Variants in FMNL2 observed in about 807,000 individuals in gnomAD.
FMNL2 encodes the protein formin like 2.
In FMNL2, 51 loss-of-function variants were observed where a neutral mutation model predicts 130.2. That is an observed-to-expected ratio of 0.39 (90% confidence interval 0.31 to 0.49). The LOEUF is 0.49. FMNL2 is among the 20% of genes least tolerant of loss of function. The pLI, the probability that FMNL2 is intolerant of heterozygous loss-of-function variation, is 0.85. For missense variants in FMNL2, 977 were observed against 1,316.2 expected, an observed-to-expected ratio of 0.74 and a Z score of 3.99; for synonymous variants, 465 against 467.1, an observed-to-expected ratio of 1.00 and a Z score of 0.06.
At chr2:152,409,052 A>G (rs978608810) in intron 1 of FMNL2, among the ~76,000 whole-genome samples, 6 of 152,190 alleles carry the variant, frequency 3.9e-5, no homozygotes, top group Non-Finnish European at 7.3e-5. Context: ...TGGCTTCATA[A>G]ATTTCTTCTC....
chr2:152,369,345 T>G (rs1683743265), intron 1 of FMNL2, among the ~76,000 whole-genome samples: 1 of 152,238 alleles, frequency 6.6e-6, no homozygotes, highest in Admixed American at 6.5e-5. Flanking sequence ...AAAGGTTTCT[T>G]TATCTTAAAT....
chr2:152,640,502 A>G lies in FMNL2; in HGVS notation c.3046-289A>G, dbSNP rs193008653. On this transcript the variant is annotated intron_variant, in intron 24 of 25. Transcript: ENST00000288670. ...GCAGTCCAAAGTTTTCTTCATTGTG[A>G]TCCTTGGCAACACAGTTTAAGACAT... 2.3e-3 allele frequency among the ~76,000 whole-genome samples: 345 copies of G among 152,280 alleles called. 2 individuals are homozygous for G. Among genetic ancestry groups the G allele is most frequent in the African/African-American group, 7.7e-3 (320 of 41,558 alleles).
At chr2:152,535,727 A>G (rs1693962322) in intron 2 of FMNL2, among the ~76,000 whole-genome samples, 1 of 152,192 alleles carries the variant, frequency 6.6e-6, no homozygotes, top group South Asian at 2.1e-4. Flanking sequence ...GATCCCTCTA[A>G]ATAGTAGCCC....
intron 1 of FMNL2, among the ~76,000 whole-genome samples, chr2:152,453,306 TCA>T (rs975059879): frequency 6.6e-6 from 1 of 152,196 alleles, no homozygotes; most frequent in African/African-American, 2.4e-5. Context: ...CCAGTGTGAT[TCA>T]CAGACTCCTT....
In FMNL2 at chr2:152,344,044, T is replaced by C. The variant is rs971872331; in HGVS notation, c.117+8324T>C. On this transcript the variant is annotated intron_variant, in intron 1 of 25. Transcript: ENST00000288670. ...TGCATGCCTGTAGTCACAGCTTACC[T>C]GGGAGGCTGAGGCAGGAGGATTGCT... is the stretch of plus-strand genomic sequence containing the variant. 2.6e-5 allele frequency among the ~76,000 whole-genome samples: 4 copies of C among 152,060 alleles called. No homozygotes were observed. The East Asian group carries it at 5.8e-4, about 22-fold the overall frequency.
At chr2:152,611,052 T>G (rs1282720188) in intron 10 of FMNL2, among the ~76,000 whole-genome samples, 1 of 152,214 alleles carries the variant, frequency 6.6e-6, no homozygotes, top group Non-Finnish European at 1.5e-5. Flanking sequence ...TAAAATATTT[T>G]TAAAGAGGCC....
chr2:152,631,034 A>G (rs1332539950), intron 20 of FMNL2, among the ~76,000 whole-genome samples: 3 of 152,114 alleles, frequency 2.0e-5, no homozygotes. Flanking sequence ...CTAGAGATGC[A>G]TATCTGTTAT....
intron 1 of FMNL2, among the ~76,000 whole-genome samples, chr2:152,520,622 A>C (rs1248234162): frequency 6.6e-6 from 1 of 152,020 alleles, no homozygotes; most frequent in Admixed American, 6.6e-5. Flanking sequence ...TAAATTAAAT[A>C]TTTTAAAGAC....
chr2:152,408,837 A>G (rs1455228574), intron 1 of FMNL2, among the ~76,000 whole-genome samples: 1 of 152,138 alleles, frequency 6.6e-6, no homozygotes, highest in East Asian at 1.9e-4. Context: ...TGGGTACTGG[A>G]ATTATGGTTT....
intron 3 of FMNL2, among the ~76,000 whole-genome samples, chr2:152,547,836 C>T (rs1694728404): frequency 6.6e-6 from 1 of 152,196 alleles, no homozygotes; most frequent in Non-Finnish European, 1.5e-5. Context: ...AAAGGTGGTT[C>T]AGGTTCGTAG....
chr2:152,599,698 T>A (rs1174737219), intron 9 of FMNL2, among the ~76,000 whole-genome samples: 1 of 152,166 alleles, frequency 6.6e-6, no homozygotes, highest in Non-Finnish European at 1.5e-5. Context: ...AGGCTCATAG[T>A]CATCTCCTGG....
intron 1 of FMNL2, among the ~76,000 whole-genome samples, chr2:152,459,665 G>A (rs1238151740): frequency 6.6e-6 from 1 of 152,094 alleles, no homozygotes; most frequent in South Asian, 2.1e-4. Flanking sequence ...TATTATAATA[G>A]GGTTCTACCT....
intron 18 of FMNL2, among the ~76,000 whole-genome samples, chr2:152,629,176 T>A (rs1681999623): frequency 6.6e-6 from 1 of 152,236 alleles, no homozygotes. Context: ...TAGATAAATT[T>A]GTTGGTTTCT....
At chr2:152,381,120 A>T (rs1579526260) in intron 1 of FMNL2, among the ~76,000 whole-genome samples, 2 of 152,340 alleles carry the variant, frequency 1.3e-5, no homozygotes, top group East Asian at 3.9e-4. Context: ...ATGAAAGGAT[A>T]TTGATCACAA....
chr2:152,604,842 C>T (rs987521649), intron 9 of FMNL2, among the ~76,000 whole-genome samples: 1 of 149,384 alleles, frequency 6.7e-6, no homozygotes, highest in African/African-American at 2.4e-5. Context: ...GTTATCTGCC[C>T]ACCTCGTCCT....
intron 9 of FMNL2, among the ~76,000 whole-genome samples, chr2:152,596,031 C>T (rs886402897): frequency 5.3e-5 from 8 of 150,422 alleles, no homozygotes; most frequent in East Asian, 2.0e-4. Flanking sequence ...GGCACCATCT[C>T]GGCTCACTGC....
intron 1 of FMNL2, among the ~76,000 whole-genome samples, chr2:152,489,180 C>T (rs1449686753): frequency 6.6e-6 from 1 of 150,850 alleles, no homozygotes; most frequent in Non-Finnish European, 1.5e-5. Flanking sequence ...AGAAGTGTTC[C>T]CTACAGTGGG....
intron 2 of FMNL2, among the ~76,000 whole-genome samples, chr2:152,540,099 T>C (rs907760397): frequency 1.3e-5 from 2 of 152,166 alleles, no homozygotes; most frequent in African/African-American, 4.8e-5. Context: ...AAAAAATTTT[T>C]TTTGAATAAT....
intron 1 of FMNL2, among the ~76,000 whole-genome samples, chr2:152,445,770 C>T (rs1264411434): frequency 6.6e-6 from 1 of 152,126 alleles, no homozygotes; most frequent in Admixed American, 6.5e-5. Flanking sequence ...TGGGAATCAC[C>T]ACTGTAGACT....
Sources: allele counts gnomAD v4.1 joint callset (sites outside exome capture counted in the v4.1 genomes callset), GRCh38; gene constraint gnomAD v4.1.1; transcripts MANE v1.5; gene names NCBI Gene and HGNC (gene_info 2026-07-23, HGNC 2026-07-21).